Variants in AFF3 observed in about 807,000 individuals in gnomAD.
AFF3 encodes the protein ALF transcription elongation factor 3.
Under a neutral mutation model 129.7 loss-of-function variants are expected in AFF3, and 32 were observed. The ratio of observed to expected loss-of-function variants is 0.25; its 90% CI spans 0.19 to 0.33. The LOEUF (loss-of-function observed/expected upper bound fraction) is 0.33. AFF3 is among the 10% of genes least tolerant of loss of function. The pLI, the probability that AFF3 is intolerant of heterozygous loss-of-function variation, is 1.00. For synonymous variants in AFF3, 644 were observed against 635.4 expected (o/e 1.01, Z -0.20); for missense variants, 1,373 against 1,592.0 (o/e 0.86, Z 2.34).
chr2:99,865,887 A>C (rs1415831436), intron 7 of AFF3, among the ~76,000 whole-genome samples: 1 of 152,256 alleles, frequency 6.6e-6, no homozygotes, highest in Non-Finnish European at 1.5e-5. Context: ...CTATAAGCCT[A>C]TTATGGATAA....
chr2:99,860,464 G>T (rs1287377749), intron 7 of AFF3, among the ~76,000 whole-genome samples: 3 of 152,168 alleles, frequency 2.0e-5, no homozygotes, highest in African/African-American at 7.2e-5. Context: ...TGAGGCAGGA[G>T]AATAGGGTGA....
intron 2 of AFF3, among the ~76,000 whole-genome samples, chr2:100,118,147 T>A (rs1189855119): frequency 6.6e-6 from 1 of 152,218 alleles, no homozygotes; most frequent in African/African-American, 2.4e-5. Context: ...AGTTGTTAGA[T>A]CCTTAATGCC....
intron 7 of AFF3, among the ~76,000 whole-genome samples, chr2:99,975,843 AGCCATGG>A (rs1678831362): frequency 6.9e-6 from 1 of 145,570 alleles, no homozygotes; most frequent in African/African-American, 2.5e-5. Flanking sequence ...GGAAAGGCAC[AGCCATGG>A]AAATAGAAGA....
At chr2:99,566,092 T>A (rs1478501377) in intron 19 of AFF3, among the ~76,000 whole-genome samples, 2 of 151,798 alleles carry the variant, frequency 1.3e-5, no homozygotes, top group Non-Finnish European at 2.9e-5. Context: ...GGCACTTATA[T>A]CTCCATGCCT....
At chr2:100,017,343 C>T (rs1425924116) in intron 4 of AFF3, among the ~76,000 whole-genome samples, 8 of 152,106 alleles carry the variant, frequency 5.3e-5, no homozygotes, top group East Asian at 1.9e-4. Context: ...TCAAAAATAT[C>T]GGTCCCCTTT....
chr2:99,593,736 C>A lies in AFF3; in HGVS notation c.1925G>T (p.Arg642Leu). The A allele has an allele frequency of 6.2e-7, 1 of 1,612,926 alleles. No homozygotes were observed. The highest frequency in any genetic ancestry group is 8.5e-7 in the Non-Finnish European group (1 of 1,179,854). The change falls in exon 15 of 25, where the codon CGC becomes CTC. Residue 642 changes from arginine (R) to leucine (L), a missense_variant. Arg to Leu is a moderately radical substitution (Grantham distance 102). Transcript: ENST00000672756. ...GCGCTTCTCGCAGGTCACGGAGGAG[C>A]GCAGCTCCTTGCGGTGGCTCGCTCT... ...NNRASHRKEL[R>L]SSVTCEKRRT...
At chr2:99,746,434 G>A (rs896943940) in intron 9 of AFF3, among the ~76,000 whole-genome samples, 3 of 152,130 alleles carry the variant, frequency 2.0e-5, no homozygotes, top group Non-Finnish European at 2.9e-5. Context: ...TGAGCCAGTC[G>A]GTGGGCAGAG....
chr2:99,999,621 T>C (rs989321700), intron 7 of AFF3, among the ~76,000 whole-genome samples: 1 of 152,086 alleles, frequency 6.6e-6, no homozygotes, highest in Non-Finnish European at 1.5e-5. Flanking sequence ...GCAAAGCAAA[T>C]AGGGCCACTA....
chr2:100,034,465 T>A (rs1299351524), intron 4 of AFF3, among the ~76,000 whole-genome samples: 1 of 151,940 alleles, frequency 6.6e-6, no homozygotes, highest in Admixed American at 6.6e-5. Flanking sequence ...CATTTCAGAA[T>A]TTTAAAAACT....
At chr2:99,644,075 A>G (rs1171662344) in intron 13 of AFF3, among the ~76,000 whole-genome samples, 3 of 152,208 alleles carry the variant, frequency 2.0e-5, no homozygotes, top group East Asian at 3.9e-4. Flanking sequence ...AGCATGCTGG[A>G]TGCGTTCAGT....
intron 11 of AFF3, among the ~76,000 whole-genome samples, chr2:99,695,291 G>C (rs1035794818): frequency 2.0e-5 from 3 of 152,132 alleles, no homozygotes; most frequent in African/African-American, 7.2e-5. Context: ...CCAGTCCTTC[G>C]TATCTTGGGT....
At chr2:99,589,303 C>T (rs1199970037) in intron 15 of AFF3, among the ~76,000 whole-genome samples, 2 of 151,244 alleles carry the variant, frequency 1.3e-5, no homozygotes, top group East Asian at 3.9e-4. Context: ...GGAGGAATAG[C>T]AGGTAGGGAA....
rs183197305 is a variant in AFF3 at position 99,647,481 on chromosome 2, C to T, written c.1184+2145G>A. On this transcript the variant is annotated intron_variant, in intron 13 of 24. Transcript: ENST00000672756. Reference sequence around the variant, plus strand: ...CGGGGAAACACACACTGGGTCCTGCCGGTGAGGTGTCAGGGGAGGGATAAC... The same window carrying T: ...CGGGGAAACACACACTGGGTCCTGCTGGTGAGGTGTCAGGGGAGGGATAAC... Among the ~76,000 whole-genome samples, 307 of 152,166 alleles carry T rather than the reference C, an allele frequency of 2.0e-3. 1 individual carries two copies. Among genetic ancestry groups the T allele is most frequent in the Non-Finnish European group, 3.5e-3 (237 of 68,014 alleles).
At chr2:99,648,917 ACTCT>A (rs769906171) in intron 13 of AFF3, among the ~76,000 whole-genome samples, 6 of 46,872 alleles carry the variant, frequency 1.3e-4, no homozygotes, top group African/African-American at 6.5e-5. Context: ...ACACACACAC[ACTCT>A]CTCTCTCTCT....
intron 7 of AFF3, among the ~76,000 whole-genome samples, chr2:99,838,938 T>A (rs1430388626): frequency 6.6e-6 from 1 of 152,144 alleles, no homozygotes; most frequent in African/African-American, 2.4e-5. Context: ...ACCCTTCACT[T>A]GAGTTAGGCG....
At chr2:99,838,274 T>C (rs547616276) in intron 7 of AFF3, among the ~76,000 whole-genome samples, 21 of 152,216 alleles carry the variant, frequency 1.4e-4, no homozygotes, top group African/African-American at 4.8e-4. Flanking sequence ...CTGGTGAAAG[T>C]GCCTACCTGT....
At chr2:99,712,954 G>A (rs1678029802) in intron 11 of AFF3, among the ~76,000 whole-genome samples, 1 of 152,130 alleles carries the variant, frequency 6.6e-6, no homozygotes, top group Non-Finnish European at 1.5e-5. Context: ...TGAACCCTGT[G>A]GACATTACAC....
intron 11 of AFF3, among the ~76,000 whole-genome samples, chr2:99,715,674 CTTT>C (rs35307881): frequency 1.0e-4 from 14 of 136,100 alleles, no homozygotes; most frequent in African/African-American, 8.2e-5. Flanking sequence ...CATTTCAAAT[CTTT>C]TTTTTTTTTT....
intron 7 of AFF3, among the ~76,000 whole-genome samples, chr2:99,941,452 C>T (rs1408397634): frequency 6.6e-6 from 1 of 152,198 alleles, no homozygotes; most frequent in Non-Finnish European, 1.5e-5. Flanking sequence ...TTTTACATTA[C>T]CTTAAGTATA....
Sources: allele counts gnomAD v4.1 joint callset (sites outside exome capture counted in the v4.1 genomes callset), GRCh38; gene constraint gnomAD v4.1.1; transcripts MANE v1.5; gene names NCBI Gene and HGNC (gene_info 2026-07-23, HGNC 2026-07-21).